The following CNTLN variants were observed in gnomAD, a reference collection of about 807,000 sequenced individuals.
The protein encoded by CNTLN is centlein, centrosomal protein.
In CNTLN, 212 loss-of-function variants were observed where a neutral mutation model predicts 180.0. The observed-to-expected ratio is 1.18, with a 90% CI of 1.05 to 1.32. The LOEUF (loss-of-function observed/expected upper bound fraction) is 1.32. Ranked by LOEUF, CNTLN falls within the 40% of genes most tolerant of loss-of-function variation. The probability of loss-of-function intolerance (pLI) is 0.00; values close to 1 mark genes in which losing one functional copy is unlikely to be tolerated. For missense variants in CNTLN, 2,095 were observed against 1,610.9 expected, an observed-to-expected ratio of 1.30 and a Z score of -5.14; for synonymous variants, 722 against 563.1, an observed-to-expected ratio of 1.28 and a Z score of -3.99.
chr9:17,366,423 T>G (rs1823823885), intron 12 of CNTLN, among the ~76,000 whole-genome samples, 194 bp from the exon 13 acceptor site: 1 of 152,166 alleles, frequency 6.6e-6, no homozygotes, highest in African/African-American at 2.4e-5. Flanking sequence ...GAATTGTAGG[T>G]ATGAGCCACC....
rs376106472 is a variant in CNTLN, at chr9:17,244,865, T to C, written c.849+8277T>C. On this transcript the variant is annotated intron_variant, in intron 5 of 25. Coordinates refer to ENST00000380647, the MANE Select transcript of CNTLN (RefSeq NM_017738.4). ...GCATGTACTGTTTTATCACCCATTATTTTAAACTGATTACATCTTAACACT... is the reference window on the plus strand; with the variant it reads ...GCATGTACTGTTTTATCACCCATTACTTTAAACTGATTACATCTTAACACT... Among the ~76,000 whole-genome samples, 27 of 152,330 alleles carry C rather than the reference T, an allele frequency of 1.8e-4. No homozygotes were observed. The East Asian group carries it at 2.3e-3, about 13-fold the overall frequency.
At chr9:17,295,664 C>T (rs1041662528) in intron 6 of CNTLN, among the ~76,000 whole-genome samples, 3 of 152,126 alleles carry the variant, frequency 2.0e-5, no homozygotes, top group Non-Finnish European at 4.4e-5. Flanking sequence ...TACTTATTTT[C>T]AAATGAGGAA....
intron 3 of CNTLN, among the ~76,000 whole-genome samples, chr9:17,231,176 C>T (rs897656206): frequency 6.6e-6 from 1 of 152,062 alleles, no homozygotes; most frequent in Admixed American, 6.6e-5. Flanking sequence ...GACTGGAAAC[C>T]AGAAGCCCCC....
chr9:17,165,065 C>A (rs549572582), intron 2 of CNTLN, among the ~76,000 whole-genome samples: 1 of 151,156 alleles, frequency 6.6e-6, no homozygotes, highest in African/African-American at 2.4e-5. Context: ...GTCTTGAACT[C>A]CTGACCTCGT....
intron 3 of CNTLN, among the ~76,000 whole-genome samples, chr9:17,233,230 T>C (rs151000670): frequency 0.016 from 2,385 of 152,162 alleles, 66 homozygotes; most frequent in African/African-American, 0.055. Context: ...TATACACACA[T>C]GAAGTAAGTT....
chr9:17,369,371 G>C (rs910714090), intron 13 of CNTLN, among the ~76,000 whole-genome samples: 2 of 151,834 alleles, frequency 1.3e-5, no homozygotes, highest in African/African-American at 4.8e-5. Flanking sequence ...CCTTATAGAA[G>C]TATGAAAACA....
At chr9:17,167,036 A>G in intron 2 of CNTLN, 1 of 234,818 alleles carries the variant, frequency 4.3e-6, no homozygotes, top group South Asian at 5.6e-5. Context: ...TAGCAGTGAT[A>G]GATTGTAATG....
intron 6 of CNTLN, among the ~76,000 whole-genome samples, chr9:17,294,542 T>A (rs1817664694): frequency 6.6e-6 from 1 of 150,998 alleles, no homozygotes; most frequent in Non-Finnish European, 1.5e-5. Flanking sequence ...GAGTGCTGAT[T>A]GGTGTGTTTA....
chr9:17,505,334 G>C (rs536710334), downstream of CNTLN, among the ~76,000 whole-genome samples: 4 of 151,804 alleles, frequency 2.6e-5, no homozygotes, highest in African/African-American at 4.8e-5. Flanking sequence ...GCCTAATAAG[G>C]CAAGAAAAGG....
intron 15 of CNTLN, among the ~76,000 whole-genome samples, chr9:17,402,544 T>C (rs1392501243): frequency 6.6e-6 from 1 of 151,860 alleles, no homozygotes; most frequent in Non-Finnish European, 1.5e-5. Flanking sequence ...TATGTGTTTT[T>C]GGATGAGATT....
At chr9:17,218,554 G>C (rs993473915) in intron 2 of CNTLN, among the ~76,000 whole-genome samples, 2 of 152,038 alleles carry the variant, frequency 1.3e-5, no homozygotes, top group Non-Finnish European at 2.9e-5. Flanking sequence ...CTGAACTTCT[G>C]TTATTAAGTC....
At chr9:17,255,146 C>A (rs1468420902) in intron 5 of CNTLN, among the ~76,000 whole-genome samples, 1 of 151,750 alleles carries the variant, frequency 6.6e-6, no homozygotes, top group East Asian at 1.9e-4. Flanking sequence ...GATAATTTTA[C>A]TTCTGCCTTT....
At chr9:17,182,897 G>C (rs1821208238) in intron 2 of CNTLN, among the ~76,000 whole-genome samples, 1 of 152,194 alleles carries the variant, frequency 6.6e-6, no homozygotes, top group Non-Finnish European at 1.5e-5. Flanking sequence ...GTGAATTCTA[G>C]TGGGAGGGGC....
At chr9:17,187,557 A>T (rs949896265) in intron 2 of CNTLN, among the ~76,000 whole-genome samples, 2 of 151,960 alleles carry the variant, frequency 1.3e-5, no homozygotes, top group African/African-American at 4.8e-5. Flanking sequence ...TTTCTGTGCA[A>T]ATAAATTATT....
intron 14 of CNTLN, 50 bp from the exon 15 acceptor site, chr9:17,394,484 T>C (rs776696301): frequency 2.5e-6 from 3 of 1,217,234 alleles, no homozygotes; most frequent in Admixed American, 5.0e-5. Context: ...TAATAAAGTA[T>C]AGTAGATTAT....
the CNTLN span, among the ~76,000 whole-genome samples, chr9:17,518,416 G>A: frequency 1.3e-5 from 2 of 152,220 alleles, no homozygotes; most frequent in South Asian, 4.1e-4. Context: ...AAGGGCCATA[G>A]ATCATTAGAA....
chr9:17,292,233 T>A (rs547094709), intron 6 of CNTLN, among the ~76,000 whole-genome samples: 5 of 152,092 alleles, frequency 3.3e-5, no homozygotes, highest in African/African-American at 1.2e-4. Flanking sequence ...CTGTTAACAT[T>A]TTTTTTCCCT....
intron 6 of CNTLN, among the ~76,000 whole-genome samples, chr9:17,281,887 C>A (rs1018349116): frequency 3.3e-5 from 5 of 152,206 alleles, no homozygotes; most frequent in Non-Finnish European, 5.9e-5. Context: ...AATGGTTGCA[C>A]TAATATACAT....
chr9:17,377,261 T>C (rs1300137268), intron 13 of CNTLN, among the ~76,000 whole-genome samples: 1 of 152,218 alleles, frequency 6.6e-6, no homozygotes, highest in Non-Finnish European at 1.5e-5. Flanking sequence ...AAATTCAAAG[T>C]ATTACTAGGC....
Sources: gnomAD v4.1 joint callset for allele counts (sites outside exome capture counted in the v4.1 genomes callset) on GRCh38, gnomAD v4.1.1 for gene constraint, MANE v1.5 for transcripts, NCBI Gene and HGNC (gene_info 2026-07-23, HGNC 2026-07-21) for gene names.